The following DSP variants were observed in gnomAD, a reference collection of about 807,000 sequenced individuals.
The protein encoded by DSP is desmoplakin.
Under a neutral mutation model 290.6 loss-of-function variants are expected in DSP, and 114 were observed. That is an observed-to-expected ratio of 0.39 (90% CI 0.34 to 0.46). The LOEUF (loss-of-function observed/expected upper bound fraction) is 0.46. DSP is among the 20% of genes least tolerant of loss of function. The probability of loss-of-function intolerance (pLI) is 0.99; values close to 1 mark genes in which losing one functional copy is unlikely to be tolerated. For synonymous variants in DSP, 1,311 were observed against 1,316.4 expected (o/e 1.00, Z 0.09); for missense variants, 3,230 against 3,495.8 (o/e 0.92, Z 1.92).
At position 7,584,279 on chromosome 6, in the gene DSP, T is replaced by C. The variant is rs753946358; in HGVS notation, c.7017T>C (p.Tyr2339=). 1.1e-5 allele frequency: 17 copies of C among 1,614,156 alleles called. No individual in the cohort carries two copies. The highest frequency in any genetic ancestry group is 1.4e-5 in the Non-Finnish European group (17 of 1,180,024). Residue 2339 remains tyrosine, a synonymous_variant, in exon 24 of 24, where the codon TAT becomes TAC. Coordinates refer to ENST00000379802, the MANE Select transcript of DSP (RefSeq NM_004415.4). This position sits in a 1 kb window ranked among gnomAD's most constrained non-coding sequence, Gnocchi z 6.4. The part of the protein sequence containing the change: ...LLSAERAVTG[Y]NDPETGNIIS... ...CTGCAGAACGAGCTGTCACTGGGTA[T>C]AATGATCCTGAAACAGGAAACATCA...
rs2113684036 is a variant in DSP at position 7,574,687 on chromosome 6, T to G, written c.2328T>G (p.Ala776=). 6.2e-7 allele frequency: 1 copy of G among 1,614,164 alleles called. No individual in the cohort carries two copies. The highest frequency in any genetic ancestry group is 8.5e-7 in the Non-Finnish European group (1 of 1,180,006). Residue 776 remains alanine (A), a synonymous_variant, in exon 17 of 24, where the codon GCT becomes GCG. Transcript: ENST00000379802. ...SLCTVRALLQ[A]ILQTEDMLKV... Reference sequence around the variant, plus strand: ...GCACAGTAAGGGCACTGCTCCAGGCTATTCTCCAAACAGAAGACATGTTAA... The same window carrying G: ...GCACAGTAAGGGCACTGCTCCAGGCGATTCTCCAAACAGAAGACATGTTAA...
At chr6:7,578,052 A>G (rs754639994) in intron 21 of DSP, among the ~76,000 whole-genome samples, 166 bp downstream of exon 21, 2 of 152,164 alleles carry the variant, frequency 1.3e-5, no homozygotes, top group African/African-American at 2.4e-5. Flanking sequence ...ATAGCAGGTT[A>G]TGTGCCCTCC....
chr6:7,559,488 T>C lies in DSP; in HGVS notation c.597+88T>C, dbSNP rs1581794275. ...GCCCATGTGTTTGTGTGACAAAGAG[T>C]CTTCTAGACCTCAGGTGGCGGCAGC... On this transcript the variant is annotated intron_variant, in intron 4 of 23. Transcript: ENST00000379802. 2.6e-6 allele frequency: 4 copies of C among 1,551,804 alleles called. No individual in the cohort carries two copies. In the East Asian group the frequency reaches 9.1e-5, roughly 35 times the overall value.
At chr6:7,577,736 A>G in intron 20 of DSP, 43 bp from the exon 21 acceptor site, 1 of 1,453,132 alleles carries the variant, frequency 6.9e-7, no homozygotes, top group Non-Finnish European at 9.7e-7. Flanking sequence ...GATGCTTTTT[A>G]AGTCTATGAA....
In DSP at chr6:7,558,269, T is replaced by G; in HGVS notation, c.422+5T>G. 1 of 1,613,588 alleles carries G rather than the reference T, an allele frequency of 6.2e-7. No individual in the cohort carries two copies. Among genetic ancestry groups the G allele is most frequent in the Non-Finnish European group, 8.5e-7 (1 of 1,179,680 alleles). On this transcript the variant is annotated splice_donor_5th_base_variant and intron_variant, in intron 3 of 23. Coordinates refer to ENST00000379802, the MANE Select transcript of DSP (RefSeq NM_004415.4). Reference sequence around the variant, plus strand: ...CTGTGATGCTTACCAGAAAAGGTATTGTCCACAGAGCATGGATCGGGCAGT... The same window carrying G: ...CTGTGATGCTTACCAGAAAAGGTATGGTCCACAGAGCATGGATCGGGCAGT...
intron 15 of DSP, among the ~76,000 whole-genome samples, chr6:7,573,725 G>C (rs908381049): frequency 1.3e-5 from 2 of 152,150 alleles, no homozygotes; most frequent in Admixed American, 1.3e-4. Context: ...TGAATGCAGG[G>C]AAACAGAGAG....
chr6:7,565,011 G>A lies in DSP; in HGVS notation c.778-348G>A, dbSNP rs1447040463. Among the ~76,000 whole-genome samples, 8 of 152,162 alleles carry A rather than the reference G, an allele frequency of 5.3e-5. No individual in the cohort carries two copies. Among genetic ancestry groups the A allele is most frequent in the African/African-American group, 1.7e-4 (7 of 41,434 alleles). On this transcript the variant is annotated intron_variant, in intron 6 of 23. Coordinates refer to ENST00000379802, the MANE Select transcript of DSP (RefSeq NM_004415.4). This position sits in a 1 kb window ranked among gnomAD's most constrained non-coding sequence, Gnocchi z 4.2. ...ATACAAAAATTAGCAGGACGTGGTG[G>A]TGCATGTCTGTAATCCCACCTACTC...
intron 1 of DSP, among the ~76,000 whole-genome samples, chr6:7,552,995 C>T (rs1408323941): frequency 6.6e-6 from 1 of 152,146 alleles, no homozygotes; most frequent in Non-Finnish European, 1.5e-5. Context: ...CACTTCGGTG[C>T]GTTCATTCAC....
chr6:7,547,028 ACT>A (rs1226793925), intron 1 of DSP, among the ~76,000 whole-genome samples: 13 of 151,908 alleles, frequency 8.6e-5, no homozygotes. Flanking sequence ...GTGTGTCTTG[ACT>A]CTCAGCTAAC....
chr6:7,543,777 G>C (rs923865431), intron 1 of DSP, among the ~76,000 whole-genome samples: 4 of 152,110 alleles, frequency 2.6e-5, no homozygotes, highest in Non-Finnish European at 4.4e-5. Flanking sequence ...CTTTTAAATA[G>C]ACAATAATCA....
chr6:7,583,608 A>G lies in DSP; in HGVS notation c.6346A>G (p.Ile2116Val), dbSNP rs777184414. ...SVSEAIKKNL[I>V]DRETGMRLLE... ...TTCAGAAGCCATCAAGAAAAATTTGATTGATAGAGAAACCGGAATGCGCCT... is the reference window on the plus strand; with the variant it reads ...TTCAGAAGCCATCAAGAAAAATTTGGTTGATAGAGAAACCGGAATGCGCCT... The change falls in exon 24 of 24, where the codon ATT becomes GTT. Residue 2116 changes from isoleucine (I) to valine (V), a missense_variant. Physicochemically the swap from Ile to Val is conservative, Grantham distance 29. Coordinates refer to ENST00000379802, the MANE Select transcript of DSP (RefSeq NM_004415.4). This position sits in a 1 kb window ranked among gnomAD's most constrained non-coding sequence, Gnocchi z 4.0. 2.5e-6 allele frequency: 4 copies of G among 1,614,040 alleles called. No individual in the cohort carries two copies. The East Asian group carries it at 8.9e-5, about 36-fold the overall frequency.
intron 1 of DSP, among the ~76,000 whole-genome samples, chr6:7,551,622 T>C (rs574206079): frequency 7.1e-6 from 1 of 140,912 alleles, no homozygotes; most frequent in South Asian, 2.3e-4. Flanking sequence ...AGAGTGAGAC[T>C]CCTTCTCAAA....
chr6:7,546,137 G>A (rs1301136077), intron 1 of DSP, among the ~76,000 whole-genome samples: 1 of 152,160 alleles, frequency 6.6e-6, no homozygotes, highest in Non-Finnish European at 1.5e-5. Context: ...CAGTGAAGGA[G>A]GGAGGGAATG....
intron 1 of DSP, among the ~76,000 whole-genome samples, chr6:7,554,082 A>ACACACAC (rs1758421068): frequency 8.6e-6 from 1 of 115,898 alleles, no homozygotes; most frequent in Non-Finnish European, 1.7e-5. Context: ...CTTTCTTTAA[A>ACACACAC]ACACACACAC....
In DSP at chr6:7,573,446, C is replaced by T. The variant is rs373556076; in HGVS notation, c.2131-640C>T. On this transcript the variant is annotated intron_variant, in intron 15 of 23. Transcript: ENST00000379802. ...TACAAAAATTAGCTGGGTGTGGTGG[C>T]GTGCGCCTGTAATCTCAGCTACTCA... Among the ~76,000 whole-genome samples, 348 of 152,090 alleles carry T rather than the reference C, an allele frequency of 2.3e-3. 1 individual carries two copies. The highest frequency in any genetic ancestry group is 6.7e-3 in the African/African-American group (280 of 41,492).
chr6:7,562,653 C>A lies in DSP; in HGVS notation c.599C>A (p.Ala200Glu). Residue 200 changes from alanine to glutamate, a missense_variant and splice_region_variant, in exon 5 of 24, where the codon GCG becomes GAG. Around this residue, in one of 5 missense-constraint regions of DSP, gnomAD observed 646 missense variants for 684.3 expected, o/e 0.94. Transcript: ENST00000379802. ...CCTCTCTTTGTCTTTGTGTCGCAGG[C>A]GGAGATGGACATGGTGGCCTGGGGT... The part of the protein sequence containing the change: ...ECLGWMRQQR[A>E]EMDMVAWGVD... 6.2e-7 allele frequency: 1 copy of A among 1,614,066 alleles called. No individual in the cohort carries two copies. The highest frequency in any genetic ancestry group is 8.5e-7 in the Non-Finnish European group (1 of 1,179,974).
Position 7,574,748 on chromosome 6 carries a change from G to A in DSP, c.2389G>A (p.Val797Ile). 1.2e-6 allele frequency: 2 copies of A among 1,614,172 alleles called. No individual in the cohort carries two copies. The highest frequency in any genetic ancestry group is 2.2e-5 in the East Asian group (1 of 44,870). ...AGCCAGGCTCACTGAGGAGGAAACT[G>A]TCTGCCTGGACCTGGATAAAGTGGA... is the stretch of plus-strand genomic sequence containing the variant. ...YEARLTEEET[V>I]CLDLDKVEAY... The change falls in exon 17 of 24, where the codon GTC (valine) becomes ATC (isoleucine). Residue 797 changes from valine to isoleucine, a missense_variant. By Grantham distance (29) the Val-to-Ile change is conservative. Transcript: ENST00000379802.
Position 7,577,826 on chromosome 6 carries a change from G to A in DSP, c.2925G>A (p.Leu975=), listed in dbSNP as rs1163951082. 2 of 1,614,056 alleles carry A rather than the reference G, an allele frequency of 1.2e-6. No homozygotes were observed. Among genetic ancestry groups the A allele is most frequent in the Admixed American group, 3.3e-5 (2 of 59,988 alleles). The stretch of plus-strand genomic sequence containing the variant: ...CATACACCTCAGGACTGGAAACTCT[G>A]CTGAACATACCTATCAAGAGGACCA... The part of the protein sequence containing the change: ...LASYTSGLET[L]LNIPIKRTMI... Residue 975 remains leucine, a synonymous_variant, in exon 21 of 24, where the codon CTG becomes CTA. Coordinates refer to ENST00000379802, the MANE Select transcript of DSP (RefSeq NM_004415.4).
chr6:7,568,927 A>G (rs1036048595), intron 11 of DSP, among the ~76,000 whole-genome samples: 5 of 152,234 alleles, frequency 3.3e-5, no homozygotes, highest in Non-Finnish European at 2.9e-5. Context: ...TATAAAGTGA[A>G]TGTCTCTCAC....
Sources: allele counts gnomAD v4.1 joint callset (sites outside exome capture counted in the v4.1 genomes callset), GRCh38; gene constraint gnomAD v4.1.1; regional missense constraint gnomAD v4.1.1; non-coding constraint Gnocchi (gnomAD v3.1); transcripts MANE v1.5; gene names NCBI Gene and HGNC (gene_info 2026-07-23, HGNC 2026-07-21).